Variants in DDX4 observed in about 807,000 individuals in gnomAD.
DDX4 encodes the protein DEAD-box helicase 4.
A neutral mutation model predicts 100.0 loss-of-function variants in DDX4; 25 were observed. The observed-to-expected ratio is 0.25, with a 90% CI of 0.18 to 0.35. The LOEUF (loss-of-function observed/expected upper bound fraction) is 0.35, where lower values mean the gene tolerates loss of function less well. DDX4 is among the 10% of genes least tolerant of loss of function. The pLI, the probability that DDX4 is intolerant of heterozygous loss-of-function variation, is 1.00. For missense variants in DDX4, 635 were observed against 882.4 expected (o/e 0.72, Z 3.55); for synonymous variants, 259 against 275.7 (o/e 0.94, Z 0.60).
intron 17 of DDX4, among the ~76,000 whole-genome samples, chr5:55,796,080 A>T (rs145929276): frequency 6.6e-6 from 1 of 152,216 alleles, no homozygotes; most frequent in Non-Finnish European, 1.5e-5. Context: ...CAAGCATCCA[A>T]CATGGGAAGA....
At chr5:55,808,960 C>T (rs1743934290) in intron 18 of DDX4, among the ~76,000 whole-genome samples, 1 of 152,204 alleles carries the variant, frequency 6.6e-6, no homozygotes, top group Non-Finnish European at 1.5e-5. Context: ...GCGGTGGGCT[C>T]CACCCAGTTC....
At chr5:55,748,389 A>G (rs1759359046) in intron 3 of DDX4, among the ~76,000 whole-genome samples, 1 of 152,224 alleles carries the variant, frequency 6.6e-6, no homozygotes, top group Non-Finnish European at 1.5e-5. Context: ...AACAGAAGCC[A>G]ATATTTGTAA....
chr5:55,803,969 C>A (rs888452844), intron 18 of DDX4, among the ~76,000 whole-genome samples: 1 of 151,746 alleles, frequency 6.6e-6, no homozygotes, highest in Non-Finnish European at 1.5e-5. Context: ...TTCTCCACAT[C>A]CTCTCCAGCA....
At chr5:55,784,850 C>T (rs1386516507) in intron 10 of DDX4, among the ~76,000 whole-genome samples, 1 of 152,224 alleles carries the variant, frequency 6.6e-6, no homozygotes, top group South Asian at 2.1e-4. Context: ...CACTTGGAAA[C>T]TGGTGCCTGG....
intron 7 of DDX4, among the ~76,000 whole-genome samples, chr5:55,768,314 G>C (rs954200693): frequency 6.6e-6 from 1 of 152,112 alleles, no homozygotes; most frequent in African/African-American, 2.4e-5. Context: ...CCCAGTGTCT[G>C]TTGTTCCCTT....
chr5:55,787,367 T>A (rs1029466447), intron 14 of DDX4, among the ~76,000 whole-genome samples: 1 of 152,254 alleles, frequency 6.6e-6, no homozygotes, highest in Non-Finnish European at 1.5e-5. Context: ...ACAAAATTTC[T>A]GTTGCCAGAT....
At chr5:55,793,122 G>C (rs1385126125) in intron 17 of DDX4, among the ~76,000 whole-genome samples, 1 of 151,640 alleles carries the variant, frequency 6.6e-6, no homozygotes, top group Non-Finnish European at 1.5e-5. Flanking sequence ...ACTAAATTAA[G>C]TTATTTTTAT....
At chr5:55,740,998 G>A (rs1758947658) in intron 2 of DDX4, among the ~76,000 whole-genome samples, 1 of 152,102 alleles carries the variant, frequency 6.6e-6, no homozygotes. Flanking sequence ...TTGTTCAGAG[G>A]ACATTTTTTA....
intron 18 of DDX4, among the ~76,000 whole-genome samples, chr5:55,806,404 T>C (rs1743723244): frequency 6.6e-6 from 1 of 152,226 alleles, no homozygotes; most frequent in African/African-American, 2.4e-5. Context: ...CTAGTTCTTT[T>C]AATTGTGATA....
chr5:55,776,932 G>A (rs1300355588), intron 7 of DDX4, among the ~76,000 whole-genome samples: 1 of 152,084 alleles, frequency 6.6e-6, no homozygotes, highest in Admixed American at 6.6e-5. Context: ...AAACAAAAGT[G>A]AATTAAAATA....
intron 15 of DDX4, among the ~76,000 whole-genome samples, chr5:55,789,095 A>G (rs1331192986): frequency 6.6e-6 from 1 of 152,152 alleles, no homozygotes; most frequent in Non-Finnish European, 1.5e-5. Flanking sequence ...TGTTTTAAGT[A>G]TTTTCTTAGA....
At chr5:55,785,387 G>A in intron 11 of DDX4, 43 bp downstream of exon 11, 3 of 1,585,092 alleles carry the variant, frequency 1.9e-6, no homozygotes, top group South Asian at 1.1e-5. Context: ...TATAGTGAGA[G>A]TTCTTTTACC....
Position 55,752,430 on chromosome 5 carries a change from G to A in DDX4, c.127+6209G>A, listed in dbSNP as rs1398300687. 4.1e-5 allele frequency among the ~76,000 whole-genome samples: 6 copies of A among 146,562 alleles called. No individual in the cohort carries two copies. In the South Asian group the frequency reaches 6.5e-4, roughly 16 times the overall value. On this transcript the variant is annotated intron_variant, in intron 3 of 21. Coordinates refer to ENST00000505374, the MANE Select transcript of DDX4 (RefSeq NM_024415.3). ...TTCCCACCTATGAGTGAGAATATGC[G>A]GTGTTTGGTTTTTTGTTCTTGAGAT...
chr5:55,804,660 CTGTTCTGTT>C, intron 18 of DDX4, among the ~76,000 whole-genome samples: 1 of 152,002 alleles, frequency 6.6e-6, no homozygotes, highest in African/African-American at 2.4e-5. Flanking sequence ...TCTGAGGGCT[CTGTTCTGTT>C]CCATTGATCT....
rs1451408656 is a variant in DDX4, at chr5:55,785,450, C to A, written c.677C>A (p.Ser226Tyr). The A allele has an allele frequency of 6.2e-7, 1 of 1,608,212 alleles. No individual in the cohort carries two copies. Among genetic ancestry groups the A allele is most frequent in the Non-Finnish European group, 8.5e-7 (1 of 1,176,582 alleles). The change falls in exon 12 of 22, where the codon TCT (serine) becomes TAT (tyrosine). Residue 226 changes from serine (S) to tyrosine (Y), a missense_variant. By Grantham distance (144) the Ser-to-Tyr change is moderately radical. This residue lies in a region of DDX4 where 446 missense variants were observed against 540.8 expected (regional missense o/e 0.82). Coordinates refer to ENST00000505374, the MANE Select transcript of DDX4 (RefSeq NM_024415.3). ...EEVITGSGKNSWKSEAEGGES... is the reference protein window; with the variant it reads ...EEVITGSGKNYWKSEAEGGES... ...TTTTTATTTGATCCTCTTCAAGATT[C>A]TTGGAAGTCAGAAGCAGAAGGAGGA...
Position 55,763,262 on chromosome 5 carries a change from T to C in DDX4, c.283+10T>C. On this transcript the variant is annotated intron_variant, in intron 5 of 21. Transcript: ENST00000505374. ...AGTTTTGGAAACAGAGGTAATTACT[T>C]GGTTATGATATCTTACAATCAAAAC... The C allele has an allele frequency of 6.5e-7, 1 of 1,547,132 alleles. No individual in the cohort carries two copies. Among genetic ancestry groups the C allele is most frequent in the Non-Finnish European group, 8.9e-7 (1 of 1,119,486 alleles).
At chr5:55,796,808 T>G (rs1742972983) in intron 17 of DDX4, among the ~76,000 whole-genome samples, 1 of 147,364 alleles carries the variant, frequency 6.8e-6, no homozygotes, top group Non-Finnish European at 1.5e-5. Context: ...TTTTCTTTTC[T>G]TTTTTTCTTT....
chr5:55,766,895 AAAAATCATTCCT>A (rs2111851178), intron 6 of DDX4: 1 of 1,517,326 alleles, frequency 6.6e-7, no homozygotes, highest in South Asian at 1.2e-5. Flanking sequence ...TTACATTTCG[AAAAATCATTCCT>A]TTCAGAATAA....
At chr5:55,788,614 A>G (rs1268764072) in intron 15 of DDX4, among the ~76,000 whole-genome samples, 1 of 152,254 alleles carries the variant, frequency 6.6e-6, no homozygotes, top group Admixed American at 6.5e-5. Context: ...ATAAAACTTT[A>G]TAACACAGAA....
Sources: allele counts gnomAD v4.1 joint callset (sites outside exome capture counted in the v4.1 genomes callset), GRCh38; gene constraint gnomAD v4.1.1; regional missense constraint gnomAD v4.1.1; transcripts MANE v1.5; gene names NCBI Gene and HGNC (gene_info 2026-07-23, HGNC 2026-07-21).